TMEM243: variants seen among roughly 807,000 people sequenced by gnomAD.
TMEM243 encodes the protein MDR1 and mitochondrial taxol resistance associated.
TMEM243 carries 20 observed loss-of-function variants against 15.0 expected under a neutral mutation model. The ratio of observed to expected loss-of-function variants is 1.33; its 90% confidence interval spans 0.94 to 1.93. The LOEUF (loss-of-function observed/expected upper bound fraction) is 1.93. Ranked by LOEUF, TMEM243 falls within the 30% of genes most tolerant of loss-of-function variation. The probability of loss-of-function intolerance (pLI) is 0.00; values close to 1 mark genes in which losing one functional copy is unlikely to be tolerated. For synonymous variants in TMEM243, 72 were observed against 52.7 expected, an observed-to-expected ratio of 1.37 and a Z score of -1.59; for missense variants, 156 against 142.1, an observed-to-expected ratio of 1.10 and a Z score of -0.50.
At chr7:87,208,770 G>A (rs1482914746) in intron 1 of TMEM243, among the ~76,000 whole-genome samples, 1 of 152,230 alleles carries the variant, frequency 6.6e-6, no homozygotes, top group Non-Finnish European at 1.5e-5. Flanking sequence ...GCATCAGCCT[G>A]CATCTACCCA....
chr7:87,217,567 C>A (rs1338514306), intron 1 of TMEM243, among the ~76,000 whole-genome samples: 1 of 152,208 alleles, frequency 6.6e-6, no homozygotes, highest in Non-Finnish European at 1.5e-5. Flanking sequence ...GACCAGGGGT[C>A]TCTCTCCCTT....
intron 1 of TMEM243, among the ~76,000 whole-genome samples, chr7:87,219,007 C>A (rs1040763602): frequency 6.6e-6 from 1 of 152,090 alleles, no homozygotes; most frequent in African/African-American, 2.4e-5. Context: ...CAGCAATGAA[C>A]CCTTATGAGT....
intron 1 of TMEM243, among the ~76,000 whole-genome samples, chr7:87,205,515 G>A (rs1802149819): frequency 6.6e-6 from 1 of 152,114 alleles, no homozygotes; most frequent in South Asian, 2.1e-4. Flanking sequence ...TTGCTGCTTA[G>A]AAATTTCTTC....
chr7:87,208,036 G>A (rs1802352561), intron 1 of TMEM243, among the ~76,000 whole-genome samples: 1 of 152,112 alleles, frequency 6.6e-6, no homozygotes, highest in African/African-American at 2.4e-5. Flanking sequence ...CACAACACAT[G>A]GGAATTATGG....
At chr7:87,200,764 AC>A (rs1157526247) in intron 1 of TMEM243, among the ~76,000 whole-genome samples, 1 of 152,198 alleles carries the variant, frequency 6.6e-6, no homozygotes, top group Non-Finnish European at 1.5e-5. Flanking sequence ...AGATCTCAAT[AC>A]CATTAAGTGA....
rs1801615429 is a variant in TMEM243 at position 87,199,335 on chromosome 7, C to T, written c.79-278G>A. 15 of 356,178 alleles carry T rather than the reference C, an allele frequency of 4.2e-5. No individual in the cohort carries two copies. The South Asian group carries it at 1.0e-3, about 25-fold the overall frequency. The allele number at this position is 356,178 out of a possible 1,614,324, so 22.1% of individuals were successfully genotyped here. On this transcript the variant is annotated intron_variant, in intron 1 of 3. Transcript: ENST00000257637. ...GTATCAAATGGGTAAGGGAGGCTTA[C>T]AAATAATGCATGTGCTGCTGAGGAT...
intron 1 of TMEM243, among the ~76,000 whole-genome samples, chr7:87,201,159 A>G (rs1233357703): frequency 1.3e-5 from 2 of 152,246 alleles, no homozygotes; most frequent in Admixed American, 6.5e-5. Flanking sequence ...TATTTCGGAC[A>G]TGGCAGAAGT....
At chr7:87,205,308 A>G (rs1802126489) in intron 1 of TMEM243, among the ~76,000 whole-genome samples, 1 of 151,632 alleles carries the variant, frequency 6.6e-6, no homozygotes, top group Non-Finnish European at 1.5e-5. Context: ...TACTTGTGCA[A>G]ATTTCCACAG....
chr7:87,209,743 C>T (rs148105370), intron 1 of TMEM243, among the ~76,000 whole-genome samples: 1,257 of 79,968 alleles, frequency 0.016, 50 homozygotes, highest in East Asian at 0.034. Flanking sequence ...ACAGTGAGAG[C>T]GAGACACAGA....
intron 1 of TMEM243, among the ~76,000 whole-genome samples, chr7:87,217,713 T>C (rs1324940066): frequency 6.6e-6 from 1 of 152,252 alleles, no homozygotes; most frequent in Non-Finnish European, 1.5e-5. Flanking sequence ...ATTATTACAA[T>C]GCCCTAAAGT....
At chr7:87,209,340 A>G (rs1802441639) in intron 1 of TMEM243, among the ~76,000 whole-genome samples, 1 of 151,688 alleles carries the variant, frequency 6.6e-6, no homozygotes, top group Non-Finnish European at 1.5e-5. Flanking sequence ...GACTGGGGAG[A>G]AGAGGTTGAG....
At chr7:87,210,781 A>G (rs1289121272) in intron 1 of TMEM243, among the ~76,000 whole-genome samples, 1 of 152,198 alleles carries the variant, frequency 6.6e-6, no homozygotes, top group Non-Finnish European at 1.5e-5. Context: ...TTCCAGGCAT[A>G]CAATGCAATC....
intron 3 of TMEM243, chr7:87,197,689 T>C (rs1478829772): frequency 1.3e-6 from 1 of 750,774 alleles, no homozygotes; most frequent in Non-Finnish European, 1.6e-6. Context: ...TTTCCACTAA[T>C]TTTTTTTTTT....
Position 87,219,583 on chromosome 7 carries a change from A to C in TMEM243, c.-80T>G. The stretch of plus-strand genomic sequence containing the variant: ...CCGAGGTCTCAGGTCCACGACTGCA[A>C]GCCTCCTCCTCACGGCTCCCGCATA... On this transcript the variant is annotated 5_prime_UTR_variant, in exon 1 of 4. Transcript: ENST00000257637. 7.7e-7 allele frequency: 1 copy of C among 1,292,422 alleles called. No individual in the cohort carries two copies. Among genetic ancestry groups the C allele is most frequent in the Non-Finnish European group, 1.1e-6 (1 of 899,348 alleles). 80.1% of individuals were successfully genotyped at this position (1,292,422 alleles called of 1,614,324 possible). A position where few individuals can be genotyped will look rare whatever the true frequency, so the allele number is the denominator to read the frequency against.
chr7:87,202,125 C>A (rs918396257), intron 1 of TMEM243, among the ~76,000 whole-genome samples: 3 of 152,106 alleles, frequency 2.0e-5, no homozygotes, highest in Admixed American at 1.3e-4. Context: ...TAAACATTAT[C>A]TACTATAATT....
At position 87,204,507 on chromosome 7, in the gene TMEM243, C is replaced by T. The variant is rs575523941; in HGVS notation, c.79-5450G>A. 1.6e-3 allele frequency among the ~76,000 whole-genome samples: 237 copies of T among 151,790 alleles called. 1 individual carries two copies. Among genetic ancestry groups the T allele is most frequent in the Non-Finnish European group, 2.6e-3 (179 of 67,768 alleles). ...TTACTTCCTAGATAAAATGGGGGTA[C>T]GGGCATTGAGTAAATACACACATTC... On this transcript the variant is annotated intron_variant, in intron 1 of 3. Coordinates refer to ENST00000257637, the MANE Select transcript of TMEM243 (RefSeq NM_024315.4).
At chr7:87,201,835 C>T (rs1213448134) in intron 1 of TMEM243, among the ~76,000 whole-genome samples, 1 of 152,160 alleles carries the variant, frequency 6.6e-6, no homozygotes, top group Non-Finnish European at 1.5e-5. Flanking sequence ...ACTTGTCTCT[C>T]CTACCAGAAT....
rs771744709 is a variant in TMEM243, at chr7:87,196,678, C to T, written c.315G>A (p.Leu105=). The part of the protein sequence containing the change: ...IYYIIFSIIM[L]CICANLYFHD... ...GGAAGTACAGGTTTGCACATATACA[C>T]AACATGATGATAGAAAATATGATAT... Residue 105 remains leucine, a synonymous_variant, in exon 4 of 4, where the codon TTG becomes TTA. Transcript: ENST00000257637. The T allele has an allele frequency of 8.1e-6, 13 of 1,610,256 alleles. No individual in the cohort carries two copies. Among genetic ancestry groups the T allele is most frequent in the African/African-American group, 2.7e-5 (2 of 74,620 alleles).
chr7:87,210,146 C>T (rs566294711), intron 1 of TMEM243, among the ~76,000 whole-genome samples: 5 of 152,054 alleles, frequency 3.3e-5, no homozygotes, highest in African/African-American at 9.7e-5. Context: ...CATGAGAACT[C>T]GTTCATGAGA....
Sources: allele counts gnomAD v4.1 joint callset (sites outside exome capture counted in the v4.1 genomes callset), GRCh38; gene constraint gnomAD v4.1.1; transcripts MANE v1.5; gene names NCBI Gene and HGNC (gene_info 2026-07-23, HGNC 2026-07-21).